The following KCNH8 variants were observed in gnomAD, a reference collection of about 807,000 sequenced individuals.
KCNH8 encodes the protein voltage-gated delayed rectifier potassium channel KCNH8.
In KCNH8, 70 loss-of-function variants were observed where a neutral mutation model predicts 103.6. The ratio of observed to expected loss-of-function variants is 0.68; its 90% CI spans 0.56 to 0.82. The LOEUF (loss-of-function observed/expected upper bound fraction) is 0.82, where lower values mean the gene tolerates loss of function less well. Among genes scored for constraint, KCNH8 ranks in the 40% least tolerant of loss-of-function variants. KCNH8 has a pLI of 0.00. For synonymous variants in KCNH8, 498 were observed against 489.4 expected (o/e 1.02, Z -0.23); for missense variants, 1,217 against 1,329.9 (o/e 0.92, Z 1.32).
intron 1 of KCNH8, among the ~76,000 whole-genome samples, chr3:19,186,664 TTTTG>T (rs1253481357): frequency 6.6e-6 from 1 of 152,044 alleles, no homozygotes; most frequent in African/African-American, 2.4e-5. Context: ...ATGTTAAAGA[TTTTG>T]TTTAATTCAT....
intron 3 of KCNH8, among the ~76,000 whole-genome samples, chr3:19,304,827 A>G (rs561829700): frequency 6.6e-6 from 1 of 152,248 alleles, no homozygotes; most frequent in East Asian, 1.9e-4. Flanking sequence ...TAAGAAAGTT[A>G]GTTTTAAAAA....
At chr3:19,350,763 A>G (rs1252202871) in intron 5 of KCNH8, among the ~76,000 whole-genome samples, 2 of 152,170 alleles carry the variant, frequency 1.3e-5, no homozygotes, top group Non-Finnish European at 2.9e-5. Context: ...AGATAAAAAC[A>G]CAAAGATGGG....
chr3:19,529,608 A>G (rs1337681887), intron 15 of KCNH8, among the ~76,000 whole-genome samples: 1 of 152,190 alleles, frequency 6.6e-6, no homozygotes, highest in Admixed American at 6.5e-5. Context: ...AAATTTTGAT[A>G]GCAAGCACAG....
chr3:19,476,402 C>T (rs1347431294), intron 11 of KCNH8, among the ~76,000 whole-genome samples: 1 of 152,102 alleles, frequency 6.6e-6, no homozygotes, highest in Non-Finnish European at 1.5e-5. Flanking sequence ...CTAAAGTGAG[C>T]ATCTTTCTTA....
At chr3:19,492,574 G>A (rs570875592) in intron 11 of KCNH8, among the ~76,000 whole-genome samples, 2 of 152,228 alleles carry the variant, frequency 1.3e-5, no homozygotes, top group South Asian at 4.2e-4. Context: ...GGTCATTATA[G>A]CCTTATGGTG....
chr3:19,199,189 A>G (rs531686135), intron 1 of KCNH8, among the ~76,000 whole-genome samples: 2 of 152,294 alleles, frequency 1.3e-5, no homozygotes, highest in Admixed American at 6.5e-5. Flanking sequence ...GTTATTTGTG[A>G]CTAATCACGT....
chr3:19,489,965 A>G (rs952621721), intron 11 of KCNH8, among the ~76,000 whole-genome samples: 8 of 152,130 alleles, frequency 5.3e-5, no homozygotes, highest in Non-Finnish European at 1.0e-4. Flanking sequence ...CAGTCTTACC[A>G]AGTTTCAGAT....
intron 5 of KCNH8, among the ~76,000 whole-genome samples, chr3:19,366,019 C>T (rs998580632): frequency 6.6e-6 from 1 of 152,038 alleles, no homozygotes; most frequent in Admixed American, 6.6e-5. Context: ...TTAATATATA[C>T]AGCTTATAAC....
intron 1 of KCNH8, among the ~76,000 whole-genome samples, chr3:19,234,118 A>C (rs920300787): frequency 5.3e-5 from 8 of 152,188 alleles, no homozygotes; most frequent in African/African-American, 1.9e-4. Flanking sequence ...GGTAGGGCCC[A>C]GTGGTCTGTT....
intron 11 of KCNH8, among the ~76,000 whole-genome samples, chr3:19,487,791 G>C (rs181293864): frequency 9.9e-4 from 151 of 152,266 alleles, no homozygotes; most frequent in African/African-American, 3.5e-3. Flanking sequence ...GTGGCTCTCA[G>C]CTTGCTAAGC....
chr3:19,394,476 T>C (rs2066484475), intron 6 of KCNH8, among the ~76,000 whole-genome samples: 1 of 147,636 alleles, frequency 6.8e-6, no homozygotes, highest in African/African-American at 2.5e-5. Context: ...GAGAGAGCGC[T>C]GAGAGAGAGA....
chr3:19,319,362 C>T (rs2065319600), intron 3 of KCNH8, among the ~76,000 whole-genome samples: 1 of 151,994 alleles, frequency 6.6e-6, no homozygotes, highest in African/African-American at 2.4e-5. Context: ...GAAGAGCATC[C>T]AGTTTCATTC....
At chr3:19,169,312 G>A (rs1301036403) in intron 1 of KCNH8, among the ~76,000 whole-genome samples, 2 of 144,334 alleles carry the variant, frequency 1.4e-5, no homozygotes, top group Non-Finnish European at 3.0e-5. Flanking sequence ...AGGCTGGAGT[G>A]CAGTGGCGCG....
intron 5 of KCNH8, among the ~76,000 whole-genome samples, chr3:19,370,086 C>T (rs977831966): frequency 1.3e-5 from 2 of 152,144 alleles, no homozygotes; most frequent in East Asian, 3.9e-4. Context: ...CACCTTCTTC[C>T]TCTTTGCCTT....
chr3:19,400,690 A>G (rs972610183), intron 7 of KCNH8, among the ~76,000 whole-genome samples: 1 of 151,834 alleles, frequency 6.6e-6, no homozygotes, highest in African/African-American at 2.4e-5. Context: ...TCATTTTCAA[A>G]TTTTCATTGA....
intron 1 of KCNH8, among the ~76,000 whole-genome samples, chr3:19,252,708 A>C (rs2064295248): frequency 6.6e-6 from 1 of 152,048 alleles, no homozygotes; most frequent in African/African-American, 2.4e-5. Flanking sequence ...TCTTAACAAT[A>C]ATTTTTTATT....
chr3:19,445,407 G>A (rs557537474), intron 8 of KCNH8, among the ~76,000 whole-genome samples: 1 of 151,896 alleles, frequency 6.6e-6, no homozygotes, highest in East Asian at 1.9e-4. Flanking sequence ...GGGAGGTAGT[G>A]ATTCTATAGC....
intron 11 of KCNH8, among the ~76,000 whole-genome samples, chr3:19,494,167 G>A (rs919359148): frequency 6.6e-6 from 1 of 152,310 alleles, no homozygotes; most frequent in African/African-American, 2.4e-5. Context: ...CAAAGGGCAG[G>A]AGCTCATTCT....
chr3:19,514,655 T>C lies in KCNH8; in HGVS notation c.2436-667T>C, dbSNP rs569123735. On this transcript the variant is annotated intron_variant, in intron 13 of 15. Coordinates refer to ENST00000328405, the MANE Select transcript of KCNH8 (RefSeq NM_144633.3). ...TAAATAATGAGTGGGTTAGATACTA[T>C]TTACCATGAAAAGAAGACTAAATAC... Among the ~76,000 whole-genome samples the C allele has an allele frequency of 1.3e-4, 20 of 151,850 alleles. No homozygotes were observed. In the South Asian group the frequency reaches 3.7e-3, roughly 28 times the overall value.
Sources: gnomAD v4.1 joint callset for allele counts (sites outside exome capture counted in the v4.1 genomes callset) on GRCh38, gnomAD v4.1.1 for gene constraint, MANE v1.5 for transcripts, NCBI Gene and HGNC (gene_info 2026-07-23, HGNC 2026-07-21) for gene names.